The following RAD21L1 variants were observed in gnomAD, a reference collection of about 807,000 sequenced individuals.
RAD21L1 encodes double-strand-break repair protein rad21-like protein 1.
Under a neutral mutation model 69.0 loss-of-function variants are expected in RAD21L1, and 47 were observed. The observed-to-expected ratio is 0.68, with a 90% CI of 0.54 to 0.87. The LOEUF is 0.87. RAD21L1 is among the 40% of genes least tolerant of loss of function. RAD21L1 has a pLI of 0.00. For synonymous variants in RAD21L1, 177 were observed against 205.8 expected (o/e 0.86, Z 1.20); for missense variants, 583 against 647.6 (o/e 0.90, Z 1.08).
intron 4 of RAD21L1, among the ~76,000 whole-genome samples, chr20:1,232,758 A>G (rs1218110269): frequency 2.0e-5 from 3 of 152,184 alleles, no homozygotes; most frequent in Non-Finnish European, 4.4e-5. Flanking sequence ...CCTAAAATTC[A>G]TATGTTGAAA....
intron 11 of RAD21L1, among the ~76,000 whole-genome samples, chr20:1,244,764 ATAT>A (rs774828895): frequency 7.2e-5 from 11 of 152,182 alleles, no homozygotes; most frequent in Non-Finnish European, 1.5e-4. Context: ...ACAAATATAA[ATAT>A]TATAGCCACA....
chr20:1,240,916 C>T (rs1467430089), intron 8 of RAD21L1, among the ~76,000 whole-genome samples: 1 of 152,182 alleles, frequency 6.6e-6, no homozygotes, highest in Non-Finnish European at 1.5e-5. Context: ...GCAGCAGTTA[C>T]GGTGCTAGAG....
chr20:1,243,176 T>C lies in RAD21L1; in HGVS notation c.1163T>C (p.Val388Ala), dbSNP rs1477063094. Residue 388 changes from valine (V) to alanine (A), a missense_variant, in exon 10 of 14, where the codon GTG (valine) becomes GCG (alanine). Val to Ala is a moderately conservative substitution (Grantham distance 64, BLOSUM62 0). Transcript: ENST00000683101. ...MIQKESVREE[V>A]GNQNIVETSM... ...CAGAAGGAGTCAGTAAGGGAAGAAG[T>C]GGGAAACCAAAATATAGTAGGTGAG... 1 of 1,525,094 alleles carries C rather than the reference T, an allele frequency of 6.6e-7. No individual in the cohort carries two copies. Among genetic ancestry groups the C allele is most frequent in the Non-Finnish European group, 8.8e-7 (1 of 1,130,668 alleles). The allele number at this position is 1,525,094 out of a possible 1,614,324, so 94.5% of individuals were successfully genotyped here. A position where few individuals can be genotyped will look rare whatever the true frequency, so the allele number is the denominator to read the frequency against.
intron 7 of RAD21L1, among the ~76,000 whole-genome samples, chr20:1,239,806 T>C (rs2087569679): frequency 6.6e-6 from 1 of 152,356 alleles, no homozygotes; most frequent in Middle Eastern, 3.4e-3. Flanking sequence ...TATTTTAGTC[T>C]GATTTTTCTT....
intron 13 of RAD21L1, among the ~76,000 whole-genome samples, chr20:1,252,791 T>C (rs570066131): frequency 2.4e-4 from 36 of 152,292 alleles, no homozygotes; most frequent in African/African-American, 8.2e-4. Context: ...CAAATCAGCT[T>C]GCTTTTTGCT....
At chr20:1,230,466 T>G (rs1204375855) in intron 3 of RAD21L1, 4 of 697,306 alleles carry the variant, frequency 5.7e-6, no homozygotes, top group Non-Finnish European at 7.1e-6. Flanking sequence ...TGCCAGAGAT[T>G]TACATATGTC....
chr20:1,246,465 T>C lies in RAD21L1; in HGVS notation c.1401+160T>C, dbSNP rs2087720240. ...ACAGAGATGTTTGTGAATAGTTTGATAAAATATTCTGAATTGCTCTGATTT... is the reference window on the plus strand; with the variant it reads ...ACAGAGATGTTTGTGAATAGTTTGACAAAATATTCTGAATTGCTCTGATTT... On this transcript the variant is annotated intron_variant, in intron 12 of 13. Transcript: ENST00000683101. This position sits in a 1 kb window ranked among gnomAD's most constrained non-coding sequence, Gnocchi z 4.6. Among the ~76,000 whole-genome samples, 2 of 152,324 alleles carry C rather than the reference T, an allele frequency of 1.3e-5. No homozygotes were observed. The highest frequency in any genetic ancestry group is 3.4e-3 in the Middle Eastern group (1 of 294).
At chr20:1,237,168 GGGA>G (rs1439608863) in intron 5 of RAD21L1, among the ~76,000 whole-genome samples, 5 of 152,146 alleles carry the variant, frequency 3.3e-5, no homozygotes, top group African/African-American at 4.8e-5. Context: ...GGTTGTTAGA[GGGA>G]GGAGAAGACT....
At chr20:1,253,439 GGCGCGT>G (rs2122180140) in intron 13 of RAD21L1, among the ~76,000 whole-genome samples, 1 of 152,254 alleles carries the variant, frequency 6.6e-6, no homozygotes, top group African/African-American at 2.4e-5. Flanking sequence ...TGGGATTAGA[GGCGCGT>G]GCCACCATGC....
chr20:1,248,130 C>A (rs1160692847), intron 12 of RAD21L1, among the ~76,000 whole-genome samples: 1 of 149,196 alleles, frequency 6.7e-6, no homozygotes, highest in South Asian at 2.1e-4. Context: ...CAAGGCATCT[C>A]GAAATCTGAA....
At chr20:1,233,923 T>A (rs1186346367) in intron 4 of RAD21L1, among the ~76,000 whole-genome samples, 162 bp from the exon 5 acceptor site, 2 of 152,212 alleles carry the variant, frequency 1.3e-5, no homozygotes, top group African/African-American at 4.8e-5. Flanking sequence ...TTTGGAAGCC[T>A]AGAGATTATT....
At chr20:1,248,551 A>G (rs1336153959) in intron 12 of RAD21L1, 75 bp from the exon 13 acceptor site, 1 of 760,664 alleles carries the variant, frequency 1.3e-6, no homozygotes. Flanking sequence ...TGTAGAAGCT[A>G]ACACTATGAT....
In RAD21L1 at chr20:1,228,593, C is replaced by G; in HGVS notation, c.140C>G (p.Pro47Arg). ...ATAACCATTGAAAAAATTCTTTCACCCAAGGTATGTTACTGATTAAAATGA... is the reference window on the plus strand; with the variant it reads ...ATAACCATTGAAAAAATTCTTTCACGCAAGGTATGTTACTGATTAAAATGA... ...LEITIEKILS[P>R]KVKIALRTSG... The change falls in exon 2 of 14, where the codon CCC (proline) becomes CGC (arginine). Residue 47 changes from proline (P) to arginine (R), a missense_variant. Pro to Arg is a moderately radical substitution (Grantham distance 103, BLOSUM62 -2). Transcript: ENST00000683101. 6.5e-7 allele frequency: 1 copy of G among 1,537,760 alleles called. No homozygotes were observed. The highest frequency in any genetic ancestry group is 8.8e-7 in the Non-Finnish European group (1 of 1,139,704).
chr20:1,255,356 T>C lies in RAD21L1; in HGVS notation c.*899T>C, dbSNP rs2087914511. On this transcript the variant is annotated 3_prime_UTR_variant, in exon 14 of 14. Transcript: ENST00000683101. ...TGGTGTTTACTGAACATTTTTGACA[T>C]TAAAACTGTTGTTTTCCTTTTTTCT... Among the ~76,000 whole-genome samples the C allele has an allele frequency of 6.6e-6, 1 of 152,202 alleles. No individual in the cohort carries two copies. Among genetic ancestry groups the C allele is most frequent in the Admixed American group, 6.5e-5 (1 of 15,278 alleles).
At chr20:1,232,543 A>C (rs924139936) in intron 4 of RAD21L1, among the ~76,000 whole-genome samples, 4 of 152,260 alleles carry the variant, frequency 2.6e-5, no homozygotes, top group Admixed American at 1.3e-4. Context: ...AAGCGAAGCC[A>C]GGAGAATTTG....
At chr20:1,247,049 C>G (rs1403576606) in intron 12 of RAD21L1, among the ~76,000 whole-genome samples, 2 of 152,148 alleles carry the variant, frequency 1.3e-5, no homozygotes, top group Admixed American at 6.6e-5. Context: ...ACCAAATTCT[C>G]TAGATAATCT....
Position 1,244,181 on chromosome 20 carries a change from C to T in RAD21L1, c.1308+11C>T. 1 of 1,508,818 alleles carries T rather than the reference C, an allele frequency of 6.6e-7. No individual in the cohort carries two copies. Among genetic ancestry groups the T allele is most frequent in the East Asian group, 2.5e-5 (1 of 40,466 alleles). 93.5% of individuals were successfully genotyped at this position (1,508,818 alleles called of 1,614,324 possible). ...AATATTAACTCTGAGGTAAGTTATC[C>T]AGAGAGAATCGTAAAAATATTTTAT... On this transcript the variant is annotated intron_variant, in intron 11 of 13. Transcript: ENST00000683101.
intron 8 of RAD21L1, among the ~76,000 whole-genome samples, chr20:1,240,705 A>G (rs1237095195): frequency 1.3e-5 from 2 of 152,122 alleles, no homozygotes; most frequent in African/African-American, 4.8e-5. Flanking sequence ...ACACCCACCC[A>G]CCAGTGTGCC....
chr20:1,234,203 T>C lies in RAD21L1; in HGVS notation c.475+12T>C, dbSNP rs1370945401. The C allele has an allele frequency of 2.5e-6, 3 of 1,216,968 alleles. No individual in the cohort carries two copies. Among genetic ancestry groups the C allele is most frequent in the Non-Finnish European group, 3.5e-6 (3 of 849,586 alleles). 75.4% of individuals were successfully genotyped at this position (1,216,968 alleles called of 1,614,324 possible). ...AGCTGAGAGCTTTGGTGAGAATATT[T>C]GAGAACTCAAAATTACAAATTATAA... On this transcript the variant is annotated intron_variant, in intron 5 of 13. Coordinates refer to ENST00000683101, the MANE Select transcript of RAD21L1 (RefSeq NM_001384355.1).
Sources: gnomAD v4.1 joint callset for allele counts (sites outside exome capture counted in the v4.1 genomes callset) on GRCh38, gnomAD v4.1.1 for gene constraint, Gnocchi (gnomAD v3.1) non-coding constraint, MANE v1.5 for transcripts, NCBI Gene and HGNC (gene_info 2026-07-23, HGNC 2026-07-21) for gene names.